The following GPC5 variants were observed in gnomAD, a reference collection of about 807,000 sequenced individuals.
GPC5 encodes glypican 5, also known as glypican-5.
A neutral mutation model predicts 53.9 loss-of-function variants in GPC5; 47 were observed. The ratio of observed to expected loss-of-function variants is 0.87; its 90% confidence interval spans 0.69 to 1.11. The LOEUF (loss-of-function observed/expected upper bound fraction) is 1.11. GPC5 is among the 50% of genes most tolerant of loss of function. The probability of loss-of-function intolerance (pLI) is 0.00; values close to 1 mark genes in which losing one functional copy is unlikely to be tolerated. For missense variants in GPC5, 748 were observed against 713.1 expected (o/e 1.05, Z -0.56); for synonymous variants, 286 against 263.3 (o/e 1.09, Z -0.84).
chr13:91,998,839 A>T (rs529647197), intron 6 of GPC5, among the ~76,000 whole-genome samples: 2 of 152,178 alleles, frequency 1.3e-5, no homozygotes, highest in Non-Finnish European at 2.9e-5. Flanking sequence ...CTGGTATGAG[A>T]AAACCTAAAC....
chr13:91,917,505 G>T (rs9523447), intron 6 of GPC5, among the ~76,000 whole-genome samples: 5 of 152,086 alleles, frequency 3.3e-5, no homozygotes, highest in African/African-American at 4.8e-5. Context: ...GACAATGGCT[G>T]TCTTCTCACA....
intron 2 of GPC5, among the ~76,000 whole-genome samples, chr13:91,668,335 C>T (rs930672527): frequency 6.0e-4 from 91 of 152,320 alleles, no homozygotes; most frequent in African/African-American, 2.1e-3. Flanking sequence ...ACAAAAGCTA[C>T]AGTATCAGCT....
At chr13:92,172,150 T>C (rs1211398588) in intron 7 of GPC5, among the ~76,000 whole-genome samples, 1 of 152,202 alleles carries the variant, frequency 6.6e-6, no homozygotes, top group African/African-American at 2.4e-5. Context: ...GATGGGTAGA[T>C]GGATCAATGG....
At chr13:91,935,924 T>G (rs2039866469) in intron 6 of GPC5, among the ~76,000 whole-genome samples, 1 of 152,080 alleles carries the variant, frequency 6.6e-6, no homozygotes, top group Non-Finnish European at 1.5e-5. Flanking sequence ...GAGTTGGGTC[T>G]ATGACTGAGC....
intron 5 of GPC5, among the ~76,000 whole-genome samples, chr13:91,811,899 G>A (rs1228841194): frequency 6.6e-6 from 1 of 152,184 alleles, no homozygotes; most frequent in African/African-American, 2.4e-5. Flanking sequence ...TCACAGCGAA[G>A]ATCTAAATAC....
In GPC5 at chr13:92,527,173, AG is replaced by A. The variant is rs1266453369; in HGVS notation, c.1562-339108del. Among the ~76,000 whole-genome samples the A allele has an allele frequency of 1.3e-3, 87 of 69,260 alleles. 3 individuals carry two copies. The highest frequency in any genetic ancestry group is 4.2e-3 in the African/African-American group (82 of 19,298). The allele number at this position is 69,260 out of a possible 152,430, so 45.4% of individuals were successfully genotyped here. On this transcript the variant is annotated intron_variant, in intron 7 of 7. Transcript: ENST00000377067. ...GAAAGAAAGAAAGAAAGAAAGAAAG[AG>A]AAAGAAAGAAGAAAGAAAGAAAGAA...
At chr13:92,268,517 G>A (rs1455083261) in intron 7 of GPC5, among the ~76,000 whole-genome samples, 2 of 151,638 alleles carry the variant, frequency 1.3e-5, no homozygotes, top group Non-Finnish European at 2.9e-5. Context: ...GTATTTCCTG[G>A]TGGAGATGTT....
intron 6 of GPC5, among the ~76,000 whole-genome samples, chr13:92,094,791 T>C (rs1255354651): frequency 6.6e-6 from 1 of 151,770 alleles, no homozygotes; most frequent in South Asian, 2.1e-4. Context: ...GTTATTTTAT[T>C]CCAATTCTTT....
chr13:92,827,660 GC>G (rs1308283911), intron 7 of GPC5, among the ~76,000 whole-genome samples: 2 of 152,148 alleles, frequency 1.3e-5, no homozygotes, highest in African/African-American at 4.8e-5. Context: ...AGCAGGCACA[GC>G]TTGCATCATC....
At chr13:92,172,746 G>A (rs572619164) in intron 7 of GPC5, among the ~76,000 whole-genome samples, 1 of 152,046 alleles carries the variant, frequency 6.6e-6, no homozygotes, top group Admixed American at 6.5e-5. Flanking sequence ...TGTTTGAAAA[G>A]GTTTACTCAC....
intron 7 of GPC5, among the ~76,000 whole-genome samples, chr13:92,543,821 G>T (rs112374490): frequency 1.3e-5 from 2 of 151,828 alleles, no homozygotes; most frequent in Non-Finnish European, 2.9e-5. Context: ...ATTGACAAAC[G>T]TTTAAGTGTT....
intron 7 of GPC5, among the ~76,000 whole-genome samples, chr13:92,252,509 A>C (rs2042699353): frequency 6.6e-6 from 1 of 152,044 alleles, no homozygotes; most frequent in Non-Finnish European, 1.5e-5. Flanking sequence ...ACCTCAGTTG[A>C]AACTGCACAA....
At chr13:91,639,288 A>G (rs890116058) in intron 2 of GPC5, among the ~76,000 whole-genome samples, 4 of 152,202 alleles carry the variant, frequency 2.6e-5, no homozygotes, top group African/African-American at 9.6e-5. Flanking sequence ...TGAAGCTTTG[A>G]TTATGAAGTC....
At chr13:92,395,598 T>C (rs1875231409) in intron 7 of GPC5, among the ~76,000 whole-genome samples, 1 of 152,206 alleles carries the variant, frequency 6.6e-6, no homozygotes, top group African/African-American at 2.4e-5. Context: ...CTATATAATT[T>C]TTTTCCCTTT....
intron 7 of GPC5, among the ~76,000 whole-genome samples, chr13:92,506,312 C>G (rs1451509129): frequency 6.6e-6 from 1 of 151,670 alleles, no homozygotes; most frequent in Non-Finnish European, 1.5e-5. Flanking sequence ...TTCTAAGGAA[C>G]AATATTACAC....
At chr13:92,237,544 T>A (rs1370055529) in intron 7 of GPC5, among the ~76,000 whole-genome samples, 1 of 152,098 alleles carries the variant, frequency 6.6e-6, no homozygotes, top group Admixed American at 6.5e-5. Context: ...ATTTTCCACA[T>A]TAGCATTAAT....
At chr13:92,646,929 C>CGTGT (rs372426651) in intron 7 of GPC5, among the ~76,000 whole-genome samples, 42,267 of 134,868 alleles carry the variant, frequency 0.31, 7,835 homozygotes, top group Non-Finnish European at 0.44. Flanking sequence ...TATATATAAA[C>CGTGT]ATGTGTGTGT....
intron 7 of GPC5, among the ~76,000 whole-genome samples, chr13:92,693,686 T>A (rs771604229): frequency 6.6e-6 from 1 of 152,146 alleles, no homozygotes; most frequent in Non-Finnish European, 1.5e-5. Flanking sequence ...TATCTGAAAC[T>A]GAAACTTTTA....
intron 1 of GPC5, among the ~76,000 whole-genome samples, chr13:91,446,607 C>G (rs997614189): frequency 6.6e-6 from 1 of 152,126 alleles, no homozygotes; most frequent in African/African-American, 2.4e-5. Flanking sequence ...GATGCCTGTT[C>G]TATTTACAAT....
Sources: allele counts gnomAD v4.1 joint callset (sites outside exome capture counted in the v4.1 genomes callset), GRCh38; gene constraint gnomAD v4.1.1; transcripts MANE v1.5; gene names NCBI Gene and HGNC (gene_info 2026-07-23, HGNC 2026-07-21).